Variants in PTPRT observed in about 807,000 individuals in gnomAD.
PTPRT encodes the protein protein tyrosine phosphatase receptor type T, also known as receptor-type tyrosine-protein phosphatase T.
A neutral mutation model predicts 176.8 loss-of-function variants in PTPRT; 56 were observed. That is an observed-to-expected ratio of 0.32 (90% confidence interval 0.26 to 0.40). The LOEUF is 0.40. PTPRT is among the 10% of genes least tolerant of loss of function. The pLI is 1.00. For missense variants in PTPRT, 1,540 were observed against 1,908.2 expected, an observed-to-expected ratio of 0.81 and a Z score of 3.60; for synonymous variants, 783 against 739.0, an observed-to-expected ratio of 1.06 and a Z score of -0.96.
chr20:42,035,076 C>G, the PTPRT span, among the ~76,000 whole-genome samples: 1 of 151,976 alleles, frequency 6.6e-6, no homozygotes, highest in African/African-American at 2.4e-5. Context: ...CATTAAGCAC[C>G]CAGTTCAAAA....
At chr20:42,552,756 G>C (rs1050200654) in intron 7 of PTPRT, among the ~76,000 whole-genome samples, 5 of 152,052 alleles carry the variant, frequency 3.3e-5, no homozygotes, top group African/African-American at 1.2e-4. Flanking sequence ...GAAAACTAAT[G>C]AGTATCCCCA....
chr20:42,212,391 A>G (rs768230382), intron 15 of PTPRT, among the ~76,000 whole-genome samples: 1 of 150,382 alleles, frequency 6.6e-6, no homozygotes, highest in Non-Finnish European at 1.5e-5. Context: ...AGGAAAATAA[A>G]GATGACCCAA....
At chr20:42,120,284 G>A (rs1987518935) in intron 19 of PTPRT, among the ~76,000 whole-genome samples, 1 of 152,142 alleles carries the variant, frequency 6.6e-6, no homozygotes, top group Admixed American at 6.5e-5. Flanking sequence ...GGTAGAGAAG[G>A]AGTTTCCAGG....
intron 7 of PTPRT, among the ~76,000 whole-genome samples, chr20:42,579,899 T>G (rs1314580541): frequency 2.0e-5 from 3 of 152,194 alleles, no homozygotes; most frequent in African/African-American, 7.2e-5. Flanking sequence ...CAGAAGCTCT[T>G]TAGTTTAATT....
intron 27 of PTPRT, among the ~76,000 whole-genome samples, chr20:42,094,609 A>G (rs6029963): frequency 0.063 from 9,512 of 152,066 alleles, 374 homozygotes; most frequent in African/African-American, 0.093. Flanking sequence ...ATTTTGTAGG[A>G]CTGGGTGCAG....
intron 1 of PTPRT, among the ~76,000 whole-genome samples, chr20:42,900,273 C>T (rs2079379575): frequency 6.6e-6 from 1 of 152,190 alleles, no homozygotes; most frequent in African/African-American, 2.4e-5. Flanking sequence ...GGGCTAAACC[C>T]AGGTCCTTCC....
Position 42,148,674 on chromosome 20 carries a change from C to T in PTPRT, c.2683-6672G>A, listed in dbSNP as rs375754213. ...TAGGCCTTGGTGCTCTCCTGCTGAACGTGGACAATTGCACGGAAGACCAAC... is the reference window on the plus strand; with the variant it reads ...TAGGCCTTGGTGCTCTCCTGCTGAATGTGGACAATTGCACGGAAGACCAAC... On this transcript the variant is annotated intron_variant, in intron 17 of 30. Coordinates refer to ENST00000373187, the MANE Select transcript of PTPRT (RefSeq NM_007050.6). Among the ~76,000 whole-genome samples the T allele has an allele frequency of 6.6e-5, 10 of 152,308 alleles. No individual in the cohort carries two copies. The East Asian group carries it at 7.7e-4, about 12-fold the overall frequency.
intron 1 of PTPRT, among the ~76,000 whole-genome samples, chr20:43,091,297 G>GGTA (rs1178152286): frequency 1.3e-5 from 2 of 152,046 alleles, no homozygotes. Flanking sequence ...AGACAAAACA[G>GGTA]GTAATCCATG....
chr20:42,573,166 G>A (rs996973197), intron 7 of PTPRT, among the ~76,000 whole-genome samples: 2 of 152,138 alleles, frequency 1.3e-5, no homozygotes, highest in African/African-American at 4.8e-5. Flanking sequence ...TGAGCAGGGT[G>A]CCCACAGGAA....
chr20:42,609,404 C>G (rs2073936772), intron 7 of PTPRT, among the ~76,000 whole-genome samples: 1 of 152,130 alleles, frequency 6.6e-6, no homozygotes, highest in African/African-American at 2.4e-5. Context: ...CATTTTCATC[C>G]TTGAGGCATA....
chr20:42,529,574 C>T (rs1319287664), intron 7 of PTPRT, among the ~76,000 whole-genome samples: 1 of 152,124 alleles, frequency 6.6e-6, no homozygotes, highest in East Asian at 1.9e-4. Flanking sequence ...GCAACTTCCA[C>T]CTCCCAGGTT....
At chr20:42,830,637 G>A (rs1487845458) in intron 2 of PTPRT, among the ~76,000 whole-genome samples, 1 of 152,132 alleles carries the variant, frequency 6.6e-6, no homozygotes, top group Non-Finnish European at 1.5e-5. Context: ...CATCCAAATA[G>A]TAAGATAGGA....
chr20:42,669,740 C>T (rs752887559), intron 7 of PTPRT, among the ~76,000 whole-genome samples: 31 of 152,084 alleles, frequency 2.0e-4, no homozygotes, highest in Non-Finnish European at 3.7e-4. Flanking sequence ...CTGCATGTTG[C>T]CCTGAAAGAC....
intron 1 of PTPRT, among the ~76,000 whole-genome samples, chr20:43,158,145 G>T (rs774506235): frequency 1.1e-4 from 17 of 152,098 alleles, no homozygotes; most frequent in Non-Finnish European, 2.2e-4. Flanking sequence ...AGAGTGGGGG[G>T]ACTCTGGATG....
chr20:42,590,304 C>A (rs1568999710), intron 7 of PTPRT, among the ~76,000 whole-genome samples: 1 of 152,196 alleles, frequency 6.6e-6, no homozygotes, highest in East Asian at 1.9e-4. Context: ...ATGAAGCCAC[C>A]TACCTGAGCT....
At position 42,073,996 on chromosome 20, in the gene PTPRT, T is replaced by C. The variant is rs1466910416; in HGVS notation, c.*6883A>G. ...CCTTACAGCTATTAAGTTTCACTCA[T>C]GGGTCCTAGTTATACTCAGAGGAGT... On this transcript the variant is annotated 3_prime_UTR_variant, in exon 31 of 31. Transcript: ENST00000373187. The C allele has an allele frequency of 4.3e-6, 1 of 230,670 alleles. No individual in the cohort carries two copies. The highest frequency in any genetic ancestry group is 2.2e-5 in the African/African-American group (1 of 45,212). The allele number at this position is 230,670 out of a possible 1,614,324, so 14.3% of individuals were successfully genotyped here.
At chr20:42,711,501 G>T (rs573308192) in intron 6 of PTPRT, among the ~76,000 whole-genome samples, 8 of 152,178 alleles carry the variant, frequency 5.3e-5, no homozygotes, top group South Asian at 2.1e-4. Context: ...TGACATAATG[G>T]TTTCCCTTTG....
In PTPRT at chr20:42,443,398, T is replaced by G. The variant is rs111695749; in HGVS notation, c.1560+4822A>C. ...GCAAGTGATGTTAATGATGCTAGTT[T>G]GTGGACACAAGGCCGTTGGTGCTGC... On this transcript the variant is annotated intron_variant, in intron 9 of 30. Transcript: ENST00000373187. Among the ~76,000 whole-genome samples the G allele has an allele frequency of 3.5e-3, 534 of 152,350 alleles. 3 individuals are homozygous for G. Among genetic ancestry groups the G allele is most frequent in the African/African-American group, 0.012 (487 of 41,590 alleles).
intron 11 of PTPRT, among the ~76,000 whole-genome samples, chr20:42,341,466 TA>T (rs1326413244): frequency 2.6e-5 from 4 of 152,186 alleles, no homozygotes; most frequent in Admixed American, 6.5e-5. Flanking sequence ...TTTCTTGTTT[TA>T]AAAGAAAAGA....
Sources: allele counts gnomAD v4.1 joint callset (sites outside exome capture counted in the v4.1 genomes callset), GRCh38; gene constraint gnomAD v4.1.1; transcripts MANE v1.5; gene names NCBI Gene and HGNC (gene_info 2026-07-23, HGNC 2026-07-21).